Variants in HNRNPD observed in about 807,000 individuals in gnomAD.
The protein encoded by HNRNPD is heterogeneous nuclear ribonucleoprotein D.
HNRNPD carries 3 observed loss-of-function variants against 47.9 expected under a neutral mutation model. The ratio of observed to expected loss-of-function variants is 0.06; its 90% CI spans 0.03 to 0.16. HNRNPD has a LOEUF of 0.16. Ranked by LOEUF, HNRNPD falls within the 10% of genes least tolerant of loss-of-function variation. HNRNPD has a pLI of 1.00. For synonymous variants in HNRNPD, 171 were observed against 165.1 expected, an observed-to-expected ratio of 1.04 and a Z score of -0.28; for missense variants, 287 against 454.2, an observed-to-expected ratio of 0.63 and a Z score of 3.35.
At chr4:82,357,647 TA>T (rs1723773567) in intron 4 of HNRNPD, 1 of 405,566 alleles carries the variant, frequency 2.5e-6, no homozygotes, top group South Asian at 6.8e-5. Context: ...TCTTCACAAC[TA>T]TTTACAAAAA....
rs1720039590 is a variant in HNRNPD at position 82,371,381 on chromosome 4, AAGG to A, written c.290+144_290+146del. ...CAAAGATTACACATGATGCCTATAA[AAGG>A]TATATATCCCAGGTACAAACCTACT... On this transcript the variant is annotated intron_variant, in intron 2 of 8. Coordinates refer to ENST00000313899, the MANE Select transcript of HNRNPD (RefSeq NM_031370.3). The A allele has an allele frequency of 7.6e-6, 4 of 525,088 alleles. No homozygotes were observed. In the South Asian group the frequency reaches 1.4e-4, roughly 18 times the overall value. 32.5% of individuals were successfully genotyped at this position (525,088 alleles called of 1,614,324 possible).
In HNRNPD at chr4:82,371,278, T is replaced by C. The variant is rs898907797; in HGVS notation, c.290+250A>G. 3.9e-5 allele frequency among the ~76,000 whole-genome samples: 6 copies of C among 152,336 alleles called. No individual in the cohort carries two copies. In the East Asian group the frequency reaches 9.6e-4, roughly 24 times the overall value. ...CTCGATATAAAAATATCGTTACTAA[T>C]TGTTTAGCTTAAATTGCCAAACTGC... On this transcript the variant is annotated intron_variant, in intron 2 of 8. Transcript: ENST00000313899.
intron 2 of HNRNPD, among the ~76,000 whole-genome samples, chr4:82,366,779 T>TC (rs750507787): frequency 5.3e-5 from 8 of 151,542 alleles, no homozygotes; most frequent in African/African-American, 9.8e-5. Context: ...CAGGCTGGTC[T>TC]CCAATTCCTG....
intron 2 of HNRNPD, among the ~76,000 whole-genome samples, chr4:82,370,971 G>GGT (rs765736858): frequency 2.5e-3 from 153 of 60,408 alleles, no homozygotes; most frequent in Non-Finnish European, 3.8e-3. Flanking sequence ...ACCTTTTAAT[G>GGT]GTATATATAT....
In HNRNPD at chr4:82,352,806, A is replaced by T. The variant is rs1389970315; in HGVS notation, c.*1379T>A. The T allele has an allele frequency of 2.0e-5, 3 of 152,232 alleles. No homozygotes were observed. The highest frequency in any genetic ancestry group is 7.2e-5 in the African/African-American group (3 of 41,458). 9.4% of individuals were successfully genotyped at this position (152,232 alleles called of 1,614,324 possible). A position where few individuals can be genotyped will look rare whatever the true frequency, so the allele number is the denominator to read the frequency against. On this transcript the variant is annotated 3_prime_UTR_variant, in exon 9 of 9. Transcript: ENST00000313899. ...TTTGGATCTATCATAAAAAAACTTTAATAACACTAACTTTTGCTCATTAAA... is the reference window on the plus strand; with the variant it reads ...TTTGGATCTATCATAAAAAAACTTTTATAACACTAACTTTTGCTCATTAAA...
intron 2 of HNRNPD, among the ~76,000 whole-genome samples, chr4:82,368,751 A>G (rs950877028): frequency 2.6e-5 from 4 of 152,256 alleles, no homozygotes; most frequent in African/African-American, 9.6e-5. Flanking sequence ...GACTACTCTA[A>G]AAGAAATTAT....
chr4:82,361,908 C>T (rs1719466665), intron 2 of HNRNPD, among the ~76,000 whole-genome samples: 1 of 152,144 alleles, frequency 6.6e-6, no homozygotes, highest in Non-Finnish European at 1.5e-5. Flanking sequence ...TGCTATCCCT[C>T]CTAAACTAAT....
At chr4:82,367,853 C>T (rs556382449) in intron 2 of HNRNPD, among the ~76,000 whole-genome samples, 36 of 152,322 alleles carry the variant, frequency 2.4e-4, no homozygotes, top group Admixed American at 8.5e-4. Flanking sequence ...TGGATAAATA[C>T]ACACAAGCTA....
intron 2 of HNRNPD, among the ~76,000 whole-genome samples, chr4:82,362,842 C>G (rs548137233): frequency 1.3e-5 from 2 of 152,006 alleles, no homozygotes; most frequent in Non-Finnish European, 2.9e-5. Flanking sequence ...TCAAGTGATC[C>G]GCCCGCTCCA....
intron 2 of HNRNPD, among the ~76,000 whole-genome samples, chr4:82,359,850 G>C (rs769082541): frequency 9.9e-5 from 15 of 152,138 alleles, no homozygotes; most frequent in Non-Finnish European, 2.2e-4. Context: ...TAGTGAGCAA[G>C]CAGCAAATTA....
At chr4:82,369,054 T>C (rs1026567805) in intron 2 of HNRNPD, among the ~76,000 whole-genome samples, 3 of 152,246 alleles carry the variant, frequency 2.0e-5, no homozygotes, top group African/African-American at 7.2e-5. Flanking sequence ...GGAAAGTCTA[T>C]GTACCTACCT....
At chr4:82,357,517 G>A in intron 4 of HNRNPD, 73 bp from the exon 5 acceptor site, 6 of 1,296,302 alleles carry the variant, frequency 4.6e-6, no homozygotes, top group Non-Finnish European at 5.3e-6. Context: ...AAGTTTAGAG[G>A]GGGGAAAACA....
intron 8 of HNRNPD, chr4:82,354,501 C>A (rs899180873): frequency 6.6e-6 from 1 of 152,618 alleles, no homozygotes. Context: ...ATAAGCATAT[C>A]TCTTGTCCAT....
At chr4:82,371,253 C>G (rs1011184783) in intron 2 of HNRNPD, among the ~76,000 whole-genome samples, 10 of 152,130 alleles carry the variant, frequency 6.6e-5, no homozygotes, top group African/African-American at 2.4e-4. Context: ...TTTTTTCTTG[C>G]TCGATATAAA....
In HNRNPD at chr4:82,353,895, G is replaced by A. The variant is rs1035303125; in HGVS notation, c.*290C>T. 11 of 152,538 alleles carry A rather than the reference G, an allele frequency of 7.2e-5. No homozygotes were observed. The highest frequency in any genetic ancestry group is 2.7e-4 in the African/African-American group (11 of 41,434). The allele number at this position is 152,538 out of a possible 1,614,324, so 9.4% of individuals were successfully genotyped here. A position where few individuals can be genotyped will look rare whatever the true frequency, so the allele number is the denominator to read the frequency against. Reference sequence around the variant, plus strand: ...ACTACATCATGACACTGTCACACTGGGCTTTTAACACAAGACTTGCTCTAC... The same window carrying A: ...ACTACATCATGACACTGTCACACTGAGCTTTTAACACAAGACTTGCTCTAC... On this transcript the variant is annotated 3_prime_UTR_variant, in exon 9 of 9. Coordinates refer to ENST00000313899, the MANE Select transcript of HNRNPD (RefSeq NM_031370.3).
At position 82,356,220 on chromosome 4, in the gene HNRNPD, T is replaced by C. The variant is rs1723705882; in HGVS notation, c.1000+317A>G. On this transcript the variant is annotated intron_variant, in intron 7 of 8. Coordinates refer to ENST00000313899, the MANE Select transcript of HNRNPD (RefSeq NM_031370.3). ...AGGATTAAGACACATCATGCCAAGA[T>C]TATTGGTTGGTCCAAGAAGTGACAT... 3.3e-5 allele frequency: 8 copies of C among 243,284 alleles called. No individual in the cohort carries two copies. In the South Asian group the frequency reaches 5.7e-4, roughly 17 times the overall value. The allele number at this position is 243,284 out of a possible 1,614,324, so 15.1% of individuals were successfully genotyped here.
At position 82,373,665 on chromosome 4, in the gene HNRNPD, T is replaced by C; in HGVS notation, c.14A>G (p.Gln5Arg). The change falls in exon 1 of 9, where the codon CAG (glutamine) becomes CGG (arginine). Residue 5 changes from glutamine to arginine, a missense_variant. Transcript: ENST00000313899. The stretch of plus-strand genomic sequence containing the variant: ...TGCCGCCGCCCCGTCCCCGCCGAAC[T>C]GCTCCTCCGACATAGTGCTAGTGTC... The part of the protein sequence containing the change: MSEE[Q>R]FGGDGAAAAA... 6.5e-7 allele frequency: 1 copy of C among 1,527,598 alleles called. No homozygotes were observed. The highest frequency in any genetic ancestry group is 8.7e-7 in the Non-Finnish European group (1 of 1,143,978). The allele number at this position is 1,527,598 out of a possible 1,614,324, so 94.6% of individuals were successfully genotyped here. A position where few individuals can be genotyped will look rare whatever the true frequency, so the allele number is the denominator to read the frequency against.
intron 1 of HNRNPD, chr4:82,373,103 G>A (rs910195262): frequency 2.6e-5 from 14 of 533,576 alleles, no homozygotes; most frequent in Non-Finnish European, 4.3e-5. Flanking sequence ...GGACAGCATG[G>A]AAAGAAAAAA....
In HNRNPD at chr4:82,373,623, ACCGCCGCCGTTG is replaced by A. The variant is rs1194418774; in HGVS notation, c.44_55del (p.Ala15_Ala18del). ...CTCCTGCTCGCCCGCCGAGCCGCCTACCGCCGCCGTTGCCGCTGCCGCCGCCCCGTCCCCGCC... is the reference window on the plus strand; with the variant it reads ...CTCCTGCTCGCCCGCCGAGCCGCCTACCGCTGCCGCCGCCCCGTCCCCGCC... On this transcript the variant is annotated inframe_deletion, in exon 1 of 9. Transcript: ENST00000313899. The A allele has an allele frequency of 2.0e-6, 3 of 1,522,698 alleles. No homozygotes were observed. The highest frequency in any genetic ancestry group is 2.6e-6 in the Non-Finnish European group (3 of 1,141,860). The allele number at this position is 1,522,698 out of a possible 1,614,324, so 94.3% of individuals were successfully genotyped here. A position where few individuals can be genotyped will look rare whatever the true frequency, so the allele number is the denominator to read the frequency against.
Sources: gnomAD v4.1 joint callset for allele counts (sites outside exome capture counted in the v4.1 genomes callset) on GRCh38, gnomAD v4.1.1 for gene constraint, MANE v1.5 for transcripts, NCBI Gene and HGNC (gene_info 2026-07-23, HGNC 2026-07-21) for gene names.